The following ZSCAN5A variants were observed in gnomAD, a reference collection of about 807,000 sequenced individuals.
ZSCAN5A encodes zinc finger and SCAN domain containing 5A.
Under a neutral mutation model 23.7 loss-of-function variants are expected in ZSCAN5A, and 12 were observed. That is an observed-to-expected ratio of 0.51 (90% confidence interval 0.32 to 0.82). ZSCAN5A has a LOEUF of 0.82. Ranked by LOEUF, ZSCAN5A falls within the 40% of genes least tolerant of loss-of-function variation. The probability of loss-of-function intolerance (pLI) is 0.03; values close to 1 mark genes in which losing one functional copy is unlikely to be tolerated. For synonymous variants in ZSCAN5A, 257 were observed against 239.9 expected (o/e 1.07, Z -0.66); for missense variants, 597 against 617.9 (o/e 0.97, Z 0.36).
At position 56,221,622 on chromosome 19, in the gene ZSCAN5A, A is replaced by G; in HGVS notation, c.1444T>C (p.Leu482=). 6.2e-7 allele frequency: 1 copy of G among 1,611,556 alleles called. No homozygotes were observed. Among genetic ancestry groups the G allele is most frequent in the Admixed American group, 1.7e-5 (1 of 59,374 alleles). The change falls in exon 6 of 6, where the codon TTG becomes CTG. Residue 482 remains leucine, a synonymous_variant. Coordinates refer to ENST00000683990, the MANE Select transcript of ZSCAN5A (RefSeq NM_001322064.3). ...TGTGTTTTCTGGTGGCGTCTTAACA[A>G]TTTCAGCCGACTGAAGGCTCTTGGA... The part of the protein sequence containing the change: ...KCPRAFSRLK[L]LRRHQKTHPE...
At chr19:56,235,060 T>G (rs62122499) in intron 2 of ZSCAN5A, among the ~76,000 whole-genome samples, 30,779 of 99,388 alleles carry the variant, frequency 0.31, 4,288 homozygotes, top group South Asian at 0.43. Context: ...AGCCTCTGAT[T>G]GACCGTGGGC....
chr19:56,264,189 T>C (rs530709645), intron 2 of ZSCAN5A, among the ~76,000 whole-genome samples: 1 of 152,154 alleles, frequency 6.6e-6, no homozygotes, highest in Non-Finnish European at 1.5e-5. Flanking sequence ...AGAGATGGGG[T>C]TTCACCATGT....
chr19:56,285,170 G>A lies in ZSCAN5A; in HGVS notation c.-128+28113C>T, dbSNP rs574583145. ...GCACATGTTTTGTTTGAACTTTGAT[G>A]TAATGAAAATCTTTATTGCTATATA... On this transcript the variant is annotated intron_variant, in intron 2 of 5. Transcript: ENST00000683990. 3.5e-5 allele frequency: 9 copies of A among 258,048 alleles called. No homozygotes were observed. The South Asian group carries it at 1.0e-3, about 29-fold the overall frequency. The allele number at this position is 258,048 out of a possible 1,614,324, so 16.0% of individuals were successfully genotyped here. A position where few individuals can be genotyped will look rare whatever the true frequency, so the allele number is the denominator to read the frequency against.
chr19:56,222,885 A>T, intron 4 of ZSCAN5A, 144 bp from the exon 5 acceptor site: 1 of 1,052,422 alleles, frequency 9.5e-7, no homozygotes, highest in Non-Finnish European at 1.4e-6. Context: ...GGACCACCCC[A>T]TCACCCCACG....
intron 2 of ZSCAN5A, among the ~76,000 whole-genome samples, chr19:56,242,648 G>T (rs2035519263): frequency 6.6e-6 from 1 of 152,148 alleles, no homozygotes; most frequent in African/African-American, 2.4e-5. Flanking sequence ...CCCACCTGTG[G>T]CTAGGAAGAC....
At chr19:56,223,861 C>T (rs1344467710) in intron 3 of ZSCAN5A, 27 bp from the exon 4 acceptor site, 1 of 1,595,302 alleles carries the variant, frequency 6.3e-7, no homozygotes, top group Non-Finnish European at 8.5e-7. Flanking sequence ...GACAATCAGA[C>T]TCACCATGAG....
At chr19:56,302,534 T>C (rs1466036581) in intron 2 of ZSCAN5A, among the ~76,000 whole-genome samples, 2 of 19,436 alleles carry the variant, frequency 1.0e-4, no homozygotes, top group African/African-American at 2.1e-4. Flanking sequence ...CCCTCCCTCT[T>C]CTTCCTCCCC....
At chr19:56,265,525 C>T (rs547805476) in intron 2 of ZSCAN5A, among the ~76,000 whole-genome samples, 1 of 151,846 alleles carries the variant, frequency 6.6e-6, no homozygotes, top group South Asian at 2.1e-4. Flanking sequence ...TGCCTTAGAA[C>T]ACAAACAGAG....
At chr19:56,245,193 G>C (rs780724042) in intron 2 of ZSCAN5A, 2 of 539,340 alleles carry the variant, frequency 3.7e-6, no homozygotes, top group Non-Finnish European at 6.8e-6. Flanking sequence ...TTCTCATAGT[G>C]AGTCTGATTG....
intron 2 of ZSCAN5A, among the ~76,000 whole-genome samples, chr19:56,309,570 T>G (rs2040901331): frequency 6.6e-6 from 1 of 152,208 alleles, no homozygotes; most frequent in African/African-American, 2.4e-5. Flanking sequence ...ACATAGACTG[T>G]GAGCCCCTGT....
Position 56,320,135 on chromosome 19 carries a change from C to A in ZSCAN5A, c.-357-3867G>T. On this transcript the variant is annotated intron_variant, in intron 2 of 6. Coordinates refer to the ZSCAN5A transcript ENST00000587340. ...AGAGCCATCTGTTAACTGTTCTGAT[C>A]AAAGTTTAGTCTGTTTCATAATATA... The A allele has an allele frequency of 4.0e-6, 3 of 756,654 alleles. No individual in the cohort carries two copies. The South Asian group carries it at 4.1e-5, about 10-fold the overall frequency. 46.9% of individuals were successfully genotyped at this position (756,654 alleles called of 1,614,324 possible). A position where few individuals can be genotyped will look rare whatever the true frequency, so the allele number is the denominator to read the frequency against.
Position 56,255,338 on chromosome 19 carries a change from G to A in ZSCAN5A, c.-127-30165C>T, listed in dbSNP as rs1048780565. On this transcript the variant is annotated intron_variant, in intron 2 of 5. Coordinates refer to ENST00000683990, the MANE Select transcript of ZSCAN5A (RefSeq NM_001322064.3). Reference sequence around the variant, plus strand: ...TAGCCGGCTGAGCGCACAAGGTGGGGAGTGGGGAGGGAAGCTATGGATTTG... The same window carrying A: ...TAGCCGGCTGAGCGCACAAGGTGGGAAGTGGGGAGGGAAGCTATGGATTTG... 2.0e-5 allele frequency among the ~76,000 whole-genome samples: 3 copies of A among 152,166 alleles called. No individual in the cohort carries two copies. The South Asian group carries it at 6.2e-4, about 32-fold the overall frequency.
intron 2 of ZSCAN5A, among the ~76,000 whole-genome samples, chr19:56,339,953 C>T (rs8103677): frequency 0.065 from 9,892 of 152,258 alleles, 436 homozygotes; most frequent in African/African-American, 0.12. Context: ...CAACACCTGC[C>T]CACACTGACC....
intron 2 of ZSCAN5A, among the ~76,000 whole-genome samples, chr19:56,229,242 C>A (rs946624662): frequency 4.6e-5 from 7 of 152,108 alleles, no homozygotes; most frequent in African/African-American, 1.7e-4. Flanking sequence ...ACCTTTAGGA[C>A]AAATTGGAGG....
chr19:56,362,922 G>C (rs1482703582), intron 2 of ZSCAN5A, among the ~76,000 whole-genome samples: 1 of 151,336 alleles, frequency 6.6e-6, no homozygotes, highest in Non-Finnish European at 1.5e-5. Context: ...CATGTATACG[G>C]GAACTGCCTG....
chr19:56,249,546 A>C (rs1281474176), intron 2 of ZSCAN5A, among the ~76,000 whole-genome samples: 1 of 152,250 alleles, frequency 6.6e-6, no homozygotes, highest in Admixed American at 6.5e-5. Flanking sequence ...TGCTGGGATT[A>C]CATGAGCACG....
In ZSCAN5A at chr19:56,221,914, A is replaced by T; in HGVS notation, c.1152T>A (p.Phe384Leu). ...HKRSHTGERL[F>L]QCNLCGKRFM... ...AGCGCTTCCCACAGAGATTACATTG[A>T]AAGAGTCTCTCGCCTGTGTGTGATC... Residue 384 changes from phenylalanine to leucine, a missense_variant, in exon 6 of 6, where the codon TTT (phenylalanine) becomes TTA (leucine). Around this residue, in one of 5 missense-constraint regions of ZSCAN5A, gnomAD observed 406 missense variants for 353.2 expected, o/e 1.15. Transcript: ENST00000683990. 1 of 1,614,214 alleles carries T rather than the reference A, an allele frequency of 6.2e-7. No homozygotes were observed. The highest frequency in any genetic ancestry group is 8.5e-7 in the Non-Finnish European group (1 of 1,180,038).
intron 2 of ZSCAN5A, chr19:56,321,858 G>T: frequency 1.2e-6 from 1 of 846,228 alleles, no homozygotes; most frequent in Non-Finnish European, 2.1e-6. Context: ...GATAAATGGG[G>T]AGAAATTTCT....
At chr19:56,289,701 C>A (rs1203032798) in intron 2 of ZSCAN5A, among the ~76,000 whole-genome samples, 1 of 152,132 alleles carries the variant, frequency 6.6e-6, no homozygotes, top group African/African-American at 2.4e-5. Context: ...GCAACTTAGA[C>A]CCCCCAGGCT....
Sources: allele counts gnomAD v4.1 joint callset (sites outside exome capture counted in the v4.1 genomes callset), GRCh38; gene constraint gnomAD v4.1.1; regional missense constraint gnomAD v4.1.1; transcripts MANE v1.5; gene names NCBI Gene and HGNC (gene_info 2026-07-23, HGNC 2026-07-21).